KCNQ1OT1: variants seen among roughly 807,000 people sequenced by gnomAD.
KCNQ1OT1 encodes the protein KCNQ1 antisense RNA 2 (non-protein coding).
At position 2,658,081 on chromosome 11, in the gene KCNQ1OT1, G is replaced by A. The variant is rs560023508; in HGVS notation, n.41914C>T. 2 of 398,524 alleles carry A rather than the reference G, an allele frequency of 5.0e-6. No homozygotes were observed. The highest frequency in any genetic ancestry group is 8.8e-6 in the Non-Finnish European group (2 of 226,032). 24.7% of individuals were successfully genotyped at this position (398,524 alleles called of 1,614,324 possible). On this transcript the variant is annotated non_coding_transcript_exon_variant, in exon 1 of 1. Coordinates refer to ENST00000597346, the Ensembl canonical transcript of KCNQ1OT1. The surrounding 1 kb of genome is among the most constrained non-coding windows in gnomAD (Gnocchi z 4.9). The stretch of plus-strand genomic sequence containing the variant: ...CACACTCAAGGTGGGGAAGGGAGGG[G>A]TTCAACTCTACCTCCTGCAGGAGAG...
exon 1 of KCNQ1OT1, chr11:2,680,174 G>A: frequency 1.0e-5 from 4 of 393,512 alleles, no homozygotes; most frequent in South Asian, 2.7e-4. Context: ...TTACGGGCGT[G>A]AGCCAATGCA....
chr11:2,676,470 G>T lies in KCNQ1OT1; in HGVS notation n.23525C>A, dbSNP rs753355144. 1 of 398,556 alleles carries T rather than the reference G, an allele frequency of 2.5e-6. No individual in the cohort carries two copies. The highest frequency in any genetic ancestry group is 2.1e-5 in the African/African-American group (1 of 48,634). 24.7% of individuals were successfully genotyped at this position (398,556 alleles called of 1,614,324 possible). ...CACTGTTCTGCTCAGATTGTTAGCTGTAGTCTTTCTGGCATCAGTTCCATT... is the reference window on the plus strand; with the variant it reads ...CACTGTTCTGCTCAGATTGTTAGCTTTAGTCTTTCTGGCATCAGTTCCATT... On this transcript the variant is annotated non_coding_transcript_exon_variant, in exon 1 of 1. Coordinates refer to ENST00000597346, the Ensembl canonical transcript of KCNQ1OT1. This position sits in a 1 kb window ranked among gnomAD's most constrained non-coding sequence, Gnocchi z 4.2.
chr11:2,685,675 C>T, exon 1 of KCNQ1OT1: 1 of 398,614 alleles, frequency 2.5e-6, no homozygotes, highest in Non-Finnish European at 4.4e-6. Flanking sequence ...GTTCAGGGGT[C>T]CCATGTGGAC....
At position 2,690,829 on chromosome 11, in the gene KCNQ1OT1, G is replaced by A. The variant is rs1730207291; in HGVS notation, n.9166C>T. The A allele has an allele frequency of 1.0e-5, 4 of 398,506 alleles. No homozygotes were observed. Among genetic ancestry groups the A allele is most frequent in the Non-Finnish European group, 1.8e-5 (4 of 226,094 alleles). 24.7% of individuals were successfully genotyped at this position (398,506 alleles called of 1,614,324 possible). A position where few individuals can be genotyped will look rare whatever the true frequency, so the allele number is the denominator to read the frequency against. On this transcript the variant is annotated non_coding_transcript_exon_variant, in exon 1 of 1. Coordinates refer to ENST00000597346, the Ensembl canonical transcript of KCNQ1OT1. This position sits in a 1 kb window ranked among gnomAD's most constrained non-coding sequence, Gnocchi z 5.1. ...CCTTGGCTTCCAGCTTCCAGGCTCT[G>A]GCACTCCCACTGTTAGGAACAGGTA...
At chr11:2,696,925 CCT>C in exon 1 of KCNQ1OT1, 1 of 398,466 alleles carries the variant, frequency 2.5e-6, no homozygotes, top group Non-Finnish European at 4.4e-6. Flanking sequence ...ATATCCAAAA[CCT>C]CTCTGAAATC....
At chr11:2,638,414 T>C (rs1849514835) in exon 1 of KCNQ1OT1, 1 of 152,208 alleles carries the variant, frequency 6.6e-6, no homozygotes, top group Non-Finnish European at 1.5e-5. Context: ...TAAAGGATTT[T>C]ATTTCTCCTT....
chr11:2,658,702 G>A lies in KCNQ1OT1; in HGVS notation n.41293C>T. ...AGAGCTAGGAAATATATGTATGTATGTAACCTGAGTACACATACATCTTTA... is the reference window on the plus strand; with the variant it reads ...AGAGCTAGGAAATATATGTATGTATATAACCTGAGTACACATACATCTTTA... On this transcript the variant is annotated non_coding_transcript_exon_variant, in exon 1 of 1. Transcript: ENST00000597346. This position sits in a 1 kb window ranked among gnomAD's most constrained non-coding sequence, Gnocchi z 4.9. The A allele has an allele frequency of 2.5e-6, 1 of 398,496 alleles. No homozygotes were observed. The highest frequency in any genetic ancestry group is 4.4e-6 in the Non-Finnish European group (1 of 226,048). 24.7% of individuals were successfully genotyped at this position (398,496 alleles called of 1,614,324 possible).
chr11:2,650,210 T>C (rs1203703648), exon 1 of KCNQ1OT1: 5 of 398,444 alleles, frequency 1.3e-5, no homozygotes, highest in Non-Finnish European at 2.2e-5. Flanking sequence ...ATGTTTGTAT[T>C]GTCTATTTGT....
exon 1 of KCNQ1OT1, chr11:2,667,498 C>T: frequency 2.5e-6 from 1 of 396,218 alleles, no homozygotes; most frequent in East Asian, 3.6e-5. Context: ...ACATTCACGC[C>T]ACAGAGGTGG....
chr11:2,662,065 A>C lies in KCNQ1OT1; in HGVS notation n.37930T>G, dbSNP rs189794855. 1.2e-6 allele frequency: 2 copies of C among 1,614,204 alleles called. No homozygotes were observed. The highest frequency in any genetic ancestry group is 4.5e-5 in the East Asian group (2 of 44,872). On this transcript the variant is annotated non_coding_transcript_exon_variant, in exon 1 of 1. Transcript: ENST00000597346. Reference sequence around the variant, plus strand: ...GGAAGGGGAGACTCTGCTGACACCCATCACCCACATCTCACAGTGAGTGCC... The same window carrying C: ...GGAAGGGGAGACTCTGCTGACACCCCTCACCCACATCTCACAGTGAGTGCC...
exon 1 of KCNQ1OT1, chr11:2,675,120 C>G (rs149794494): frequency 4.5e-5 from 18 of 398,646 alleles, no homozygotes; most frequent in African/African-American, 3.3e-4. Flanking sequence ...GGTGGGTTCA[C>G]TAGCCTCTTT....
At chr11:2,662,639 A>G (rs1333237506) in exon 1 of KCNQ1OT1, 1 of 409,282 alleles carries the variant, frequency 2.4e-6, no homozygotes, top group African/African-American at 2.0e-5. Context: ...GTGCCCGGCC[A>G]CGGTGTGATT....
Position 2,613,796 on chromosome 11 carries a change from C to A in KCNQ1OT1, n.86199G>T. The A allele has an allele frequency of 2.5e-6, 1 of 398,528 alleles. No individual in the cohort carries two copies. Among genetic ancestry groups the A allele is most frequent in the Non-Finnish European group, 4.4e-6 (1 of 226,036 alleles). The allele number at this position is 398,528 out of a possible 1,614,324, so 24.7% of individuals were successfully genotyped here. On this transcript the variant is annotated non_coding_transcript_exon_variant, in exon 1 of 1. Coordinates refer to ENST00000597346, the Ensembl canonical transcript of KCNQ1OT1. This position sits in a 1 kb window ranked among gnomAD's most constrained non-coding sequence, Gnocchi z 4.8. ...TTCCTCTCACCCATATCTCTTCCAT[C>A]CTAATTCCCCCTACCCATTATAGGT...
exon 1 of KCNQ1OT1, chr11:2,632,018 TA>T (rs1192075953): frequency 4.8e-5 from 19 of 395,692 alleles, no homozygotes; most frequent in Middle Eastern, 6.3e-4. Context: ...CCATCTCTAC[TA>T]AAAATACAAA....
rs965778446 is a variant in KCNQ1OT1, at chr11:2,657,149, G to A, written n.42846C>T. 2 of 398,616 alleles carry A rather than the reference G, an allele frequency of 5.0e-6. No individual in the cohort carries two copies. The highest frequency in any genetic ancestry group is 8.8e-5 in the Admixed American group (2 of 22,734). The allele number at this position is 398,616 out of a possible 1,614,324, so 24.7% of individuals were successfully genotyped here. A position where few individuals can be genotyped will look rare whatever the true frequency, so the allele number is the denominator to read the frequency against. ...GCCTTGGAAGAAGTACTGATGTTTGGTACAGCAAGTTCTCCCACCTTGTTC... is the reference window on the plus strand; with the variant it reads ...GCCTTGGAAGAAGTACTGATGTTTGATACAGCAAGTTCTCCCACCTTGTTC... On this transcript the variant is annotated non_coding_transcript_exon_variant, in exon 1 of 1. Coordinates refer to ENST00000597346, the Ensembl canonical transcript of KCNQ1OT1. This position sits in a 1 kb window ranked among gnomAD's most constrained non-coding sequence, Gnocchi z 4.8.
At chr11:2,641,377 T>C in exon 1 of KCNQ1OT1, 1 of 398,376 alleles carries the variant, frequency 2.5e-6, no homozygotes, top group Non-Finnish European at 4.4e-6. Context: ...ATTTCCCTTA[T>C]AATTACTGAT....
chr11:2,661,856 C>G lies in KCNQ1OT1; in HGVS notation n.38139G>C, dbSNP rs1849961902. On this transcript the variant is annotated non_coding_transcript_exon_variant, in exon 1 of 1. Transcript: ENST00000597346. The surrounding 1 kb of genome is among the most constrained non-coding windows in gnomAD (Gnocchi z 5.9). ...TTGTCAGGGCTGGAGCTTCCAGGCA[C>G]AAGCTCCACTCCTCACCTGGCCCTG... The G allele has an allele frequency of 5.6e-6, 8 of 1,436,230 alleles. No individual in the cohort carries two copies. The highest frequency in any genetic ancestry group is 4.5e-5 in the East Asian group (2 of 44,074). The allele number at this position is 1,436,230 out of a possible 1,614,324, so 89.0% of individuals were successfully genotyped here.
chr11:2,617,175 T>G lies in KCNQ1OT1; in HGVS notation n.82820A>C. 2.5e-6 allele frequency: 1 copy of G among 398,302 alleles called. No individual in the cohort carries two copies. Among genetic ancestry groups the G allele is most frequent in the Non-Finnish European group, 4.4e-6 (1 of 225,890 alleles). The allele number at this position is 398,302 out of a possible 1,614,324, so 24.7% of individuals were successfully genotyped here. A position where few individuals can be genotyped will look rare whatever the true frequency, so the allele number is the denominator to read the frequency against. On this transcript the variant is annotated non_coding_transcript_exon_variant, in exon 1 of 1. Coordinates refer to ENST00000597346, the Ensembl canonical transcript of KCNQ1OT1. The surrounding 1 kb of genome is among the most constrained non-coding windows in gnomAD (Gnocchi z 4.6). Reference sequence around the variant, plus strand: ...GTTCTACATGAGATCTCTAGACTTGTTCATCCTATATATCTGCTACTTGGT... The same window carrying G: ...GTTCTACATGAGATCTCTAGACTTGGTCATCCTATATATCTGCTACTTGGT...
At chr11:2,693,991 G>A (rs953428734) in exon 1 of KCNQ1OT1, 12 of 398,548 alleles carry the variant, frequency 3.0e-5, no homozygotes, top group Admixed American at 1.8e-4. Context: ...GGCCCAGCCC[G>A]GCCTCTCTAG....
Sources: allele counts gnomAD v4.1 joint callset, GRCh38; gene constraint gnomAD v4.1.1; non-coding constraint Gnocchi (gnomAD v3.1); transcripts MANE v1.5; gene names NCBI Gene and HGNC (gene_info 2026-07-23, HGNC 2026-07-21).